Variants in CNTN6 observed in about 807,000 individuals in gnomAD.
CNTN6 encodes the protein contactin 6.
In CNTN6, 137 loss-of-function variants were observed where a neutral mutation model predicts 122.8. The ratio of observed to expected loss-of-function variants is 1.12; its 90% CI spans 0.97 to 1.29. The LOEUF (loss-of-function observed/expected upper bound fraction) is 1.29. Among genes scored for constraint, CNTN6 ranks in the 50% most tolerant of loss-of-function variants. The pLI is 0.00. For missense variants in CNTN6, 1,634 were observed against 1,223.4 expected (o/e 1.34, Z -5.01); for synonymous variants, 570 against 426.0 (o/e 1.34, Z -4.16).
intron 2 of CNTN6, among the ~76,000 whole-genome samples, chr3:1,165,285 A>G (rs2093221303): frequency 6.6e-6 from 1 of 152,150 alleles, no homozygotes; most frequent in South Asian, 2.1e-4. Context: ...CTGTTGCGGA[A>G]GACTCTGCAA....
intron 1 of CNTN6, among the ~76,000 whole-genome samples, chr3:1,099,350 C>G (rs1328413612): frequency 6.6e-6 from 1 of 151,878 alleles, no homozygotes; most frequent in Non-Finnish European, 1.5e-5. Context: ...ACTGGGGAGG[C>G]TGAGGCGGGA....
chr3:1,130,756 A>T (rs2092315185), intron 1 of CNTN6, among the ~76,000 whole-genome samples: 1 of 152,140 alleles, frequency 6.6e-6, no homozygotes, highest in Non-Finnish European at 1.5e-5. Context: ...ACATCAATTG[A>T]CATGTATGAA....
intron 2 of CNTN6, among the ~76,000 whole-genome samples, chr3:1,188,166 C>A (rs137928394): frequency 1.2e-3 from 190 of 152,292 alleles, no homozygotes; most frequent in Middle Eastern, 3.4e-3. Flanking sequence ...CATATCCCCA[C>A]CTCAAGGGTA....
intron 2 of CNTN6, among the ~76,000 whole-genome samples, chr3:1,166,683 C>T (rs781760455): frequency 5.3e-5 from 8 of 152,070 alleles, no homozygotes; most frequent in Non-Finnish European, 1.0e-4. Flanking sequence ...CACATATACA[C>T]CACAGAATAC....
At chr3:1,243,566 A>T (rs376959802) in intron 4 of CNTN6, among the ~76,000 whole-genome samples, 2,702 of 151,212 alleles carry the variant, frequency 0.018, 128 homozygotes, top group East Asian at 0.13. Flanking sequence ...AGGGCTGTAA[A>T]GTGGCTCAGG....
Position 1,372,931 on chromosome 3 carries a change from G to T in CNTN6, c.1762G>T (p.Ala588Ser), listed in dbSNP as rs933230079. Residue 588 changes from alanine (A) to serine (S), a missense_variant, in exon 14 of 23, where the codon GCA becomes TCA. Coordinates refer to ENST00000446702, the MANE Select transcript of CNTN6 (RefSeq NM_001289080.2). ...TVQTTLESLS[A>S]VADIIVRGPP... is the part of the protein sequence containing the mutation. Reference sequence around the variant, plus strand: ...ACAAACAACCCTAGAAAGTTTATCTGCAGTAGCCGATATCATTGTTAGAGG... The same window carrying T: ...ACAAACAACCCTAGAAAGTTTATCTTCAGTAGCCGATATCATTGTTAGAGG... 5.0e-6 allele frequency: 8 copies of T among 1,594,088 alleles called. No homozygotes were observed. Among genetic ancestry groups the T allele is most frequent in the African/African-American group, 1.3e-5 (1 of 74,242 alleles).
intron 19 of CNTN6, among the ~76,000 whole-genome samples, chr3:1,384,760 C>CATATATACACATATATATATATATAT (rs1692549750): frequency 1.0e-5 from 1 of 100,080 alleles, no homozygotes; most frequent in Non-Finnish European, 2.2e-5. Flanking sequence ...CATATATATA[C>CATATATACACATATATATATATATAT]ATATATATAC....
chr3:1,171,754 A>G (rs2093361916), intron 2 of CNTN6, among the ~76,000 whole-genome samples: 1 of 152,042 alleles, frequency 6.6e-6, no homozygotes, highest in Admixed American at 6.6e-5. Context: ...CTACAGGTGC[A>G]TGCCACCATG....
chr3:1,214,301 CTTTTTTTTT>C (rs34799447), intron 2 of CNTN6, among the ~76,000 whole-genome samples: 1 of 44,028 alleles, frequency 2.3e-5, no homozygotes, highest in Admixed American at 4.0e-4. Context: ...TGTTGGATGT[CTTTTTTTTT>C]TTTTTTTTTT....
chr3:1,195,870 G>A (rs2093769765), intron 2 of CNTN6, among the ~76,000 whole-genome samples: 1 of 151,876 alleles, frequency 6.6e-6, no homozygotes, highest in East Asian at 1.9e-4. Context: ...TACGAGACCT[G>A]TACCAGATAT....
intron 20 of CNTN6, among the ~76,000 whole-genome samples, chr3:1,400,485 GACA>G (rs34662420): frequency 0.22 from 33,364 of 151,896 alleles, 3,880 homozygotes; most frequent in Non-Finnish European, 0.23. Context: ...CTCTCACGCA[GACA>G]ACATTAATTT....
At chr3:1,386,259 TG>T (rs1559997228) in intron 20 of CNTN6, among the ~76,000 whole-genome samples, 14 of 145,166 alleles carry the variant, frequency 9.6e-5, no homozygotes, top group African/African-American at 3.0e-4. Flanking sequence ...GCTCAGTAAA[TG>T]GTTTTTTTGT....
In CNTN6 at chr3:1,249,652, T is replaced by G. The variant is rs117244773; in HGVS notation, c.358+21659T>G. ...TTTTGAGAATTGTGCGGTTGAGAGA[T>G]CTACTTTCACATACATATTAATGAG... On this transcript the variant is annotated intron_variant, in intron 4 of 22. Transcript: ENST00000446702. Among the ~76,000 whole-genome samples the G allele has an allele frequency of 7.3e-4, 111 of 152,340 alleles. 1 individual carries two copies. In the East Asian group the frequency reaches 0.019, roughly 26 times the overall value.
intron 1 of CNTN6, among the ~76,000 whole-genome samples, chr3:1,100,534 T>A (rs2090830699): frequency 6.6e-6 from 1 of 152,150 alleles, no homozygotes; most frequent in Admixed American, 6.5e-5. Context: ...AGCTCCTAAA[T>A]CTTTCTTCCA....
At chr3:1,184,981 G>A (rs892932357) in intron 2 of CNTN6, among the ~76,000 whole-genome samples, 3 of 151,984 alleles carry the variant, frequency 2.0e-5, no homozygotes, top group African/African-American at 4.8e-5. Flanking sequence ...CTAGCATTAC[G>A]TTAATGTACA....
intron 2 of CNTN6, among the ~76,000 whole-genome samples, chr3:1,214,060 T>C (rs779314075): frequency 1.1e-4 from 17 of 152,144 alleles, no homozygotes; most frequent in Admixed American, 5.9e-4. Flanking sequence ...GTAGCATTTA[T>C]ATTCTGTTCT....
chr3:1,202,943 G>C (rs1559506324), intron 2 of CNTN6, among the ~76,000 whole-genome samples: 1 of 152,174 alleles, frequency 6.6e-6, no homozygotes, highest in Non-Finnish European at 1.5e-5. Context: ...ATTCAGTCTA[G>C]TATAATTATG....
At chr3:1,350,604 G>A (rs1166423686) in intron 11 of CNTN6, among the ~76,000 whole-genome samples, 3 of 151,780 alleles carry the variant, frequency 2.0e-5, no homozygotes, top group African/African-American at 7.2e-5. Context: ...CCTGAAAGGG[G>A]TAGTATACTC....
At chr3:1,106,181 C>G (rs2124992012) in intron 1 of CNTN6, among the ~76,000 whole-genome samples, 1 of 151,968 alleles carries the variant, frequency 6.6e-6, no homozygotes, top group South Asian at 2.1e-4. Flanking sequence ...TGTAATCATC[C>G]CTGAATTAAA....
Sources: gnomAD v4.1 joint callset for allele counts (sites outside exome capture counted in the v4.1 genomes callset) on GRCh38, gnomAD v4.1.1 for gene constraint, MANE v1.5 for transcripts, NCBI Gene and HGNC (gene_info 2026-07-23, HGNC 2026-07-21) for gene names.